The following MAP1B variants were observed in gnomAD, a reference collection of about 807,000 sequenced individuals.
MAP1B encodes the protein microtubule-associated protein 1B.
In MAP1B, 12 loss-of-function variants were observed where a neutral mutation model predicts 176.1. The ratio of observed to expected loss-of-function variants is 0.07; its 90% CI spans 0.04 to 0.11. The LOEUF is 0.11. Ranked by LOEUF, MAP1B falls within the 10% of genes least tolerant of loss-of-function variation. The pLI is 1.00. For synonymous variants in MAP1B, 1,044 were observed against 1,135.0 expected (o/e 0.92, Z 1.61); for missense variants, 2,523 against 2,990.5 (o/e 0.84, Z 3.65).
In MAP1B at chr5:72,206,963, G is replaced by T. The variant is rs905611187; in HGVS notation, c.*1724G>T. The T allele has an allele frequency of 6.6e-6, 1 of 152,010 alleles. No homozygotes were observed. The highest frequency in any genetic ancestry group is 1.9e-4 in the East Asian group (1 of 5,188). The allele number at this position is 152,010 out of a possible 1,614,324, so 9.4% of individuals were successfully genotyped here. Reference sequence around the variant, plus strand: ...TACTTCTTTCAAGATCTTCAACCATGAGGTAAAAGAGCCAAGTTCAAAGAA... The same window carrying T: ...TACTTCTTTCAAGATCTTCAACCATTAGGTAAAAGAGCCAAGTTCAAAGAA... On this transcript the variant is annotated 3_prime_UTR_variant, in exon 7 of 7. Coordinates refer to ENST00000296755, the MANE Select transcript of MAP1B (RefSeq NM_005909.5).
At position 72,208,623 on chromosome 5, in the gene MAP1B, A is replaced by T. The variant is rs564489832; in HGVS notation, c.*3384A>T. The stretch of plus-strand genomic sequence containing the variant: ...CAAAAAAATTTTTTTTCTTAACGTT[A>T]CATATCATAGTGAATGGTTTCCCCA... On this transcript the variant is annotated 3_prime_UTR_variant, in exon 7 of 7. Transcript: ENST00000296755. 6.6e-6 allele frequency: 1 copy of T among 152,230 alleles called. No homozygotes were observed. The highest frequency in any genetic ancestry group is 1.5e-5 in the Non-Finnish European group (1 of 68,006). The allele number at this position is 152,230 out of a possible 1,614,324, so 9.4% of individuals were successfully genotyped here. A position where few individuals can be genotyped will look rare whatever the true frequency, so the allele number is the denominator to read the frequency against.
rs374032498 is a variant in MAP1B at position 72,177,898 on chromosome 5, A to T, written c.287-5845A>T. ...AAAGAGGTTGAGTTGAATAACTCTG[A>T]CTCTATCATTTTCTCTTCCTTCCCT... is the stretch of plus-strand genomic sequence containing the variant. On this transcript the variant is annotated intron_variant, in intron 2 of 6. Transcript: ENST00000296755. Among the ~76,000 whole-genome samples, 45 of 152,026 alleles carry T rather than the reference A, an allele frequency of 3.0e-4. No homozygotes were observed. The Middle Eastern group carries it at 0.01, about 34-fold the overall frequency.
At chr5:72,167,259 C>T (rs1374439733) in intron 2 of MAP1B, among the ~76,000 whole-genome samples, 1 of 152,176 alleles carries the variant, frequency 6.6e-6, no homozygotes, top group Non-Finnish European at 1.5e-5. Context: ...CTGCATCTAT[C>T]TCATAGGTTG....
intron 1 of MAP1B, among the ~76,000 whole-genome samples, chr5:72,108,706 C>A (rs560170630): frequency 8.7e-4 from 133 of 152,224 alleles, no homozygotes; most frequent in Non-Finnish European, 6.0e-4. Flanking sequence ...GCGGCGCCCC[C>A]GTCGGGCACG....
Position 72,194,977 on chromosome 5 carries a change from G to T in MAP1B, c.1622G>T (p.Ser541Ile). ...KQTKLKQRAD[S>I]RESLKPAAKP... is the part of the protein sequence containing the mutation. ...ACAAAACTGAAACAGAGGGCTGATAGCCGAGAAAGTCTGAAGCCAGCCGCA... is the reference window on the plus strand; with the variant it reads ...ACAAAACTGAAACAGAGGGCTGATATCCGAGAAAGTCTGAAGCCAGCCGCA... Residue 541 changes from serine to isoleucine, a missense_variant, in exon 5 of 7, where the codon AGC becomes ATC. Coordinates refer to ENST00000296755, the MANE Select transcript of MAP1B (RefSeq NM_005909.5). The surrounding 1 kb of genome is among the most constrained non-coding windows in gnomAD (Gnocchi z 7.2). The T allele has an allele frequency of 1.9e-6, 3 of 1,614,046 alleles. No homozygotes were observed. The highest frequency in any genetic ancestry group is 2.5e-6 in the Non-Finnish European group (3 of 1,179,996).
At chr5:72,109,430 T>G (rs752978214) in intron 1 of MAP1B, among the ~76,000 whole-genome samples, 9 of 152,220 alleles carry the variant, frequency 5.9e-5, no homozygotes, top group Non-Finnish European at 1.2e-4. Context: ...TGGAAAAATT[T>G]TACACATACT....
chr5:72,107,573 C>T lies in MAP1B; in HGVS notation c.42C>T (p.Ser14=). ...VVVEATEPEP[S]GSIANPAAST... ...TGGAAGCCACCGAGCCGGAGCCGTCCGGCAGCATCGCCAACCCGGCGGCGT... is the reference window on the plus strand; with the variant it reads ...TGGAAGCCACCGAGCCGGAGCCGTCTGGCAGCATCGCCAACCCGGCGGCGT... Residue 14 remains serine, a synonymous_variant, in exon 1 of 7, where the codon TCC becomes TCT. Coordinates refer to ENST00000296755, the MANE Select transcript of MAP1B (RefSeq NM_005909.5). 1 of 1,588,884 alleles carries T rather than the reference C, an allele frequency of 6.3e-7. No homozygotes were observed. The highest frequency in any genetic ancestry group is 1.1e-5 in the South Asian group (1 of 89,204).
At chr5:72,169,891 C>A (rs762205257) in intron 2 of MAP1B, among the ~76,000 whole-genome samples, 1 of 152,094 alleles carries the variant, frequency 6.6e-6, no homozygotes, top group Non-Finnish European at 1.5e-5. Flanking sequence ...GAGAGATACT[C>A]CCTGAGGAAA....
chr5:72,199,631 C>T lies in MAP1B; in HGVS notation c.6276C>T (p.His2092=), dbSNP rs960304062. 1.9e-6 allele frequency: 3 copies of T among 1,614,058 alleles called. No individual in the cohort carries two copies. Among genetic ancestry groups the T allele is most frequent in the African/African-American group, 2.7e-5 (2 of 74,912 alleles). ...TCGTGTCCTCTTGTGAATACAAGCA[C>T]CCCAAGACAGAGCTTTCACCCTCTT... ...LCLVSSCEYK[H]PKTELSPSFI... Residue 2092 remains histidine (H), a synonymous_variant, in exon 5 of 7, where the codon CAC becomes CAT. Transcript: ENST00000296755. This position sits in a 1 kb window ranked among gnomAD's most constrained non-coding sequence, Gnocchi z 4.2.
In MAP1B at chr5:72,207,871, T is replaced by C. The variant is rs1747486260; in HGVS notation, c.*2632T>C. 1 of 152,300 alleles carries C rather than the reference T, an allele frequency of 6.6e-6. No individual in the cohort carries two copies. The highest frequency in any genetic ancestry group is 2.1e-4 in the South Asian group (1 of 4,830). The allele number at this position is 152,300 out of a possible 1,614,324, so 9.4% of individuals were successfully genotyped here. On this transcript the variant is annotated 3_prime_UTR_variant, in exon 7 of 7. Coordinates refer to ENST00000296755, the MANE Select transcript of MAP1B (RefSeq NM_005909.5). ...TAAATGTATTTAACCTGAACATTAT[T>C]TTGCTTTAAAAACTATAAACATTGT...
chr5:72,136,746 T>A (rs1235986486), intron 2 of MAP1B, among the ~76,000 whole-genome samples: 5 of 152,306 alleles, frequency 3.3e-5, no homozygotes, highest in African/African-American at 4.8e-5. Flanking sequence ...TATCCTCTTC[T>A]GATTATAAAC....
chr5:72,167,945 T>A (rs1746462173), intron 2 of MAP1B, among the ~76,000 whole-genome samples: 2 of 152,228 alleles, frequency 1.3e-5, no homozygotes, highest in Admixed American at 6.5e-5. Context: ...TTAAGAATTA[T>A]GAGAATAAAG....
At chr5:72,192,745 C>A (rs985205191) in intron 4 of MAP1B, among the ~76,000 whole-genome samples, 3 of 152,220 alleles carry the variant, frequency 2.0e-5, no homozygotes, top group Non-Finnish European at 4.4e-5. Context: ...AAACTCTGAG[C>A]TGATTTGTGA....
chr5:72,197,998 G>T lies in MAP1B; in HGVS notation c.4643G>T (p.Gly1548Val). The stretch of plus-strand genomic sequence containing the variant: ...GAAGACACGTACTCTCATATGGAGG[G>T]TGTGGCCTCAGTGTCCACAGCCTCA... The part of the protein sequence containing the change: ...VAEDTYSHME[G>V]VASVSTASVA... Residue 1548 changes from glycine (G) to valine (V), a missense_variant, in exon 5 of 7, where the codon GGT becomes GTT. This residue lies in a region of MAP1B where 1,925 missense variants were observed against 2,126.0 expected (regional missense o/e 0.91). Coordinates refer to ENST00000296755, the MANE Select transcript of MAP1B (RefSeq NM_005909.5). The T allele has an allele frequency of 6.2e-7, 1 of 1,614,154 alleles. No homozygotes were observed.
chr5:72,107,699 C>T lies in MAP1B; in HGVS notation c.168C>T (p.Ile56=). ...IVTEEHLRRA[I]GNIELGIRSW... ...CCGAGGAGCACCTGCGGCGTGCCAT[C>T]GGCAACATCGAGCTCGGTAAGTGGC... The change falls in exon 1 of 7, where the codon ATC becomes ATT. Residue 56 remains isoleucine (I), a synonymous_variant. Coordinates refer to ENST00000296755, the MANE Select transcript of MAP1B (RefSeq NM_005909.5). 9 of 1,599,542 alleles carry T rather than the reference C, an allele frequency of 5.6e-6. No individual in the cohort carries two copies. Among genetic ancestry groups the T allele is most frequent in the Non-Finnish European group, 7.6e-6 (9 of 1,179,582 alleles).
chr5:72,149,828 T>C (rs1746110568), intron 2 of MAP1B, among the ~76,000 whole-genome samples: 2 of 152,200 alleles, frequency 1.3e-5, no homozygotes, highest in South Asian at 4.1e-4. Flanking sequence ...GTGGGACAAA[T>C]GAAATAGAAA....
intron 2 of MAP1B, among the ~76,000 whole-genome samples, chr5:72,166,088 G>A (rs1004503120): frequency 6.6e-6 from 1 of 152,130 alleles, no homozygotes; most frequent in Non-Finnish European, 1.5e-5. Flanking sequence ...CAGGTCTTCT[G>A]GCTGCAAGTC....
intron 4 of MAP1B, among the ~76,000 whole-genome samples, chr5:72,191,220 A>T (rs1747018714): frequency 6.6e-6 from 1 of 152,256 alleles, no homozygotes; most frequent in South Asian, 2.1e-4. Context: ...AAGATACAGA[A>T]GATATATTTC....
chr5:72,121,921 A>G (rs905753348), intron 2 of MAP1B, among the ~76,000 whole-genome samples: 1 of 152,176 alleles, frequency 6.6e-6, no homozygotes, highest in African/African-American at 2.4e-5. Context: ...GGAACCTGCA[A>G]TTTCAGAGGG....
Sources: gnomAD v4.1 joint callset for allele counts (sites outside exome capture counted in the v4.1 genomes callset) on GRCh38, gnomAD v4.1.1 for gene constraint, gnomAD v4.1.1 regional missense constraint, Gnocchi (gnomAD v3.1) non-coding constraint, MANE v1.5 for transcripts, NCBI Gene and HGNC (gene_info 2026-07-23, HGNC 2026-07-21) for gene names.